ENTPD1: variants seen among roughly 807,000 people sequenced by gnomAD.
ENTPD1 encodes ATP diphosphohydrolase.
ENTPD1 carries 33 observed loss-of-function variants against 57.0 expected under a neutral mutation model. The ratio of observed to expected loss-of-function variants is 0.58; its 90% CI spans 0.44 to 0.77. The LOEUF is 0.77. ENTPD1 is among the 30% of genes least tolerant of loss of function. The pLI is 0.00. For synonymous variants in ENTPD1, 202 were observed against 218.8 expected, an observed-to-expected ratio of 0.92 and a Z score of 0.68; for missense variants, 501 against 603.4, an observed-to-expected ratio of 0.83 and a Z score of 1.78.
intron 1 of ENTPD1, among the ~76,000 whole-genome samples, chr10:95,809,696 G>A (rs142279413): frequency 0.03 from 4,039 of 135,160 alleles, 106 homozygotes; most frequent in Non-Finnish European, 0.043. Flanking sequence ...GGGCAGAGGC[G>A]CTCCCCACCC....
chr10:95,795,432 A>AAGGTGCC (rs2098222334), intron 1 of ENTPD1, among the ~76,000 whole-genome samples: 1 of 152,200 alleles, frequency 6.6e-6, no homozygotes, highest in African/African-American at 2.4e-5. Context: ...CTGTTTGGGC[A>AAGGTGCC]CAATAGGTTT....
chr10:95,862,815 T>C (rs1257987517), intron 8 of ENTPD1, among the ~76,000 whole-genome samples: 1 of 152,242 alleles, frequency 6.6e-6, no homozygotes, highest in Non-Finnish European at 1.5e-5. Context: ...TTCAGTGTAC[T>C]CTGGATCCTC....
chr10:95,784,592 T>C (rs1328486592), intron 1 of ENTPD1, among the ~76,000 whole-genome samples: 1 of 152,192 alleles, frequency 6.6e-6, no homozygotes, highest in Non-Finnish European at 1.5e-5. Context: ...TATGGCTTTC[T>C]GCATGCCCAC....
At chr10:95,715,397 A>G (rs2097970397) in intron 1 of ENTPD1, among the ~76,000 whole-genome samples, 1 of 152,100 alleles carries the variant, frequency 6.6e-6, no homozygotes, top group Admixed American at 6.5e-5. Context: ...CTTTCATAGC[A>G]GCTATTTGTG....
intron 1 of ENTPD1, among the ~76,000 whole-genome samples, chr10:95,729,027 AAT>A (rs1392259295): frequency 6.6e-6 from 1 of 152,074 alleles, no homozygotes; most frequent in Non-Finnish European, 1.5e-5. Flanking sequence ...TAGTATTTTC[AAT>A]ATTTCTAGGC....
upstream of ENTPD1, among the ~76,000 whole-genome samples, chr10:95,752,917 T>A (rs1356730015): frequency 1.3e-5 from 2 of 152,180 alleles, no homozygotes; most frequent in Non-Finnish European, 2.9e-5. Flanking sequence ...TTATTCATCT[T>A]GCAACACTAA....
chr10:95,710,688 A>G (rs894944829), upstream of ENTPD1, among the ~76,000 whole-genome samples: 1 of 152,186 alleles, frequency 6.6e-6, no homozygotes, highest in African/African-American at 2.4e-5. Context: ...TATTAATAAC[A>G]AGGGAAGAGG....
chr10:95,723,992 T>G (rs2097980694), intron 1 of ENTPD1, among the ~76,000 whole-genome samples: 1 of 151,876 alleles, frequency 6.6e-6, no homozygotes, highest in Admixed American at 6.6e-5. Context: ...AAACCCTGTC[T>G]CTATTAAAAA....
chr10:95,793,136 C>T (rs961645372), intron 1 of ENTPD1, among the ~76,000 whole-genome samples: 3 of 152,274 alleles, frequency 2.0e-5, no homozygotes, highest in Non-Finnish European at 4.4e-5. Context: ...TTTCAGTTCC[C>T]CTCCCACCAT....
chr10:95,757,563 C>T (rs1258838685), intron 1 of ENTPD1, among the ~76,000 whole-genome samples: 3 of 152,198 alleles, frequency 2.0e-5, no homozygotes, highest in Non-Finnish European at 2.9e-5. Context: ...GTACTTTGCA[C>T]TCAAGTTCAC....
intron 1 of ENTPD1, among the ~76,000 whole-genome samples, chr10:95,718,761 C>A (rs1462271015): frequency 6.6e-6 from 1 of 152,200 alleles, no homozygotes; most frequent in African/African-American, 2.4e-5. Flanking sequence ...CTGCATACCC[C>A]ACTTTTCGAA....
chr10:95,805,534 T>C (rs889163018), intron 1 of ENTPD1, among the ~76,000 whole-genome samples: 1 of 152,242 alleles, frequency 6.6e-6, no homozygotes, highest in South Asian at 2.1e-4. Context: ...CCTGTCATTA[T>C]GATGTTAGCT....
At chr10:95,816,452 G>T (rs2098330356) in intron 1 of ENTPD1, among the ~76,000 whole-genome samples, 1 of 152,118 alleles carries the variant, frequency 6.6e-6, no homozygotes, top group Admixed American at 6.6e-5. Flanking sequence ...ATATAGTAGG[G>T]TGTTCAGAGA....
chr10:95,870,293 A>AC lies in ENTPD1; in HGVS notation c.*3910_*3911insC. 2 of 923,340 alleles carry AC rather than the reference A, an allele frequency of 2.2e-6. No homozygotes were observed. The highest frequency in any genetic ancestry group is 2.6e-6 in the Non-Finnish European group (2 of 774,512). The allele number at this position is 923,340 out of a possible 1,614,324, so 57.2% of individuals were successfully genotyped here. ...AAATTTGAATATTAAAATAAAGATG[A>AC]TTTTTTTTTTGGAGCTAGTCTTGCT... On this transcript the variant is annotated 3_prime_UTR_variant, in exon 10 of 10. Transcript: ENST00000371205.
chr10:95,703,128 A>C, the ENTPD1 span, among the ~76,000 whole-genome samples: 127,740 of 152,040 alleles, frequency 0.84, 54,229 homozygotes, highest in Non-Finnish European at 0.91. Context: ...TATAAAAAGT[A>C]GAATATCTTT....
the ENTPD1 span, among the ~76,000 whole-genome samples, chr10:95,703,613 C>T: frequency 6.6e-6 from 1 of 151,806 alleles, no homozygotes; most frequent in African/African-American, 2.4e-5. Context: ...GAAACGCTGT[C>T]TCTACTGAAA....
chr10:95,812,074 T>G (rs971763653), intron 1 of ENTPD1, among the ~76,000 whole-genome samples: 1 of 152,260 alleles, frequency 6.6e-6, no homozygotes, highest in Non-Finnish European at 1.5e-5. Flanking sequence ...TTCCCACATC[T>G]TTGTCAACAT....
At chr10:95,718,369 A>G (rs1234195904) in intron 1 of ENTPD1, among the ~76,000 whole-genome samples, 1 of 151,524 alleles carries the variant, frequency 6.6e-6, no homozygotes, top group East Asian at 1.9e-4. Context: ...AGCATTTCTA[A>G]TGGAGGGGGT....
Position 95,872,854 on chromosome 10 carries a change from A to T in ENTPD1, c.*6471A>T. On this transcript the variant is annotated 3_prime_UTR_variant, in exon 10 of 10. Transcript: ENST00000371205. ...AACCAGCCCAACTCCTGGTTCCCTG[A>T]TGAAGCTTTTATTCCCCTAGCCACA... 1.0e-6 allele frequency: 1 copy of T among 985,366 alleles called. No individual in the cohort carries two copies. Among genetic ancestry groups the T allele is most frequent in the Non-Finnish European group, 1.2e-6 (1 of 829,926 alleles). 61.0% of individuals were successfully genotyped at this position (985,366 alleles called of 1,614,324 possible).
Sources: gnomAD v4.1 joint callset for allele counts (sites outside exome capture counted in the v4.1 genomes callset) on GRCh38, gnomAD v4.1.1 for gene constraint, MANE v1.5 for transcripts, NCBI Gene and HGNC (gene_info 2026-07-23, HGNC 2026-07-21) for gene names.